ADAMTS3: variants seen among roughly 807,000 people sequenced by gnomAD.
ADAMTS3 encodes the protein ADAM metallopeptidase with thrombospondin type 1 motif 3.
In ADAMTS3, 73 loss-of-function variants were observed where a neutral mutation model predicts 129.0. The ratio of observed to expected loss-of-function variants is 0.57; its 90% confidence interval spans 0.47 to 0.69. The LOEUF (loss-of-function observed/expected upper bound fraction) is 0.69, where lower values mean the gene tolerates loss of function less well. Ranked by LOEUF, ADAMTS3 falls within the 30% of genes least tolerant of loss-of-function variation. The pLI, the probability that ADAMTS3 is intolerant of heterozygous loss-of-function variation, is 0.00. For missense variants in ADAMTS3, 1,457 were observed against 1,514.5 expected, an observed-to-expected ratio of 0.96 and a Z score of 0.63; for synonymous variants, 477 against 510.8, an observed-to-expected ratio of 0.93 and a Z score of 0.89.
At position 72,288,733 on chromosome 4, in the gene ADAMTS3, A is replaced by G. The variant is rs780930730; in HGVS notation, c.3049+18T>C. Reference sequence around the variant, plus strand: ...TTAAAAACATCAGAGCAGTGAAGTCAATTGGTGTGACACCTACCATTACAA... The same window carrying G: ...TTAAAAACATCAGAGCAGTGAAGTCGATTGGTGTGACACCTACCATTACAA... On this transcript the variant is annotated intron_variant, in intron 21 of 21. Transcript: ENST00000286657. The G allele has an allele frequency of 2.1e-5, 32 of 1,501,708 alleles. No homozygotes were observed. Among genetic ancestry groups the G allele is most frequent in the Non-Finnish European group, 3.0e-5 (32 of 1,077,776 alleles). The allele number at this position is 1,501,708 out of a possible 1,614,324, so 93.0% of individuals were successfully genotyped here. A position where few individuals can be genotyped will look rare whatever the true frequency, so the allele number is the denominator to read the frequency against.
intron 3 of ADAMTS3, among the ~76,000 whole-genome samples, chr4:72,506,162 C>T (rs764192864): frequency 2.6e-5 from 4 of 152,180 alleles, no homozygotes; most frequent in East Asian, 1.9e-4. Flanking sequence ...GAGGGCTCCA[C>T]TGCACTACGA....
intron 3 of ADAMTS3, among the ~76,000 whole-genome samples, chr4:72,456,868 G>T (rs1328492511): frequency 1.3e-5 from 2 of 151,604 alleles, no homozygotes; most frequent in Admixed American, 6.6e-5. Flanking sequence ...AGCCAACACA[G>T]GGAGGGACTA....
chr4:72,433,911 G>T (rs62319938), intron 3 of ADAMTS3, among the ~76,000 whole-genome samples: 1 of 151,814 alleles, frequency 6.6e-6, no homozygotes, highest in Admixed American at 6.6e-5. Context: ...CAACAACAAA[G>T]TATATATTTT....
intron 2 of ADAMTS3, among the ~76,000 whole-genome samples, chr4:72,560,108 T>A (rs947373266): frequency 6.7e-6 from 1 of 150,308 alleles, no homozygotes; most frequent in African/African-American, 2.5e-5. Context: ...ATAAGTGGTA[T>A]TGGGAGAACT....
intron 3 of ADAMTS3, among the ~76,000 whole-genome samples, chr4:72,541,759 C>A (rs1256010531): frequency 6.6e-6 from 1 of 151,242 alleles, no homozygotes; most frequent in Non-Finnish European, 1.5e-5. Flanking sequence ...GTAAGATGTG[C>A]CTTTGTTCCT....
chr4:72,560,824 C>T (rs1003168681), intron 2 of ADAMTS3, among the ~76,000 whole-genome samples: 2 of 152,106 alleles, frequency 1.3e-5, no homozygotes, highest in African/African-American at 4.8e-5. Flanking sequence ...ATGTCCTGCA[C>T]GTGTACCCTG....
intron 3 of ADAMTS3, among the ~76,000 whole-genome samples, chr4:72,431,621 C>T (rs113302298): frequency 2.0e-5 from 3 of 152,058 alleles, no homozygotes; most frequent in African/African-American, 7.2e-5. Context: ...TGTGTTTAGT[C>T]TTGGGTCTCA....
intron 4 of ADAMTS3, among the ~76,000 whole-genome samples, chr4:72,397,490 G>A (rs953306705): frequency 6.6e-6 from 1 of 151,956 alleles, no homozygotes; most frequent in Non-Finnish European, 1.5e-5. Flanking sequence ...GCTTGAACCA[G>A]GGAGGTGGAG....
At chr4:72,390,991 C>A (rs1383615108) in intron 4 of ADAMTS3, among the ~76,000 whole-genome samples, 1 of 151,632 alleles carries the variant, frequency 6.6e-6, no homozygotes. Context: ...GCTAACAACC[C>A]TAGATAATTG....
At chr4:72,553,778 T>C (rs962191) in intron 2 of ADAMTS3, among the ~76,000 whole-genome samples, 66,903 of 152,016 alleles carry the variant, frequency 0.44, 14,978 homozygotes, top group South Asian at 0.61. Flanking sequence ...CTGCTCTGGA[T>C]TGGGGAGGCC....
chr4:72,430,816 T>C lies in ADAMTS3; in HGVS notation c.505-15845A>G, dbSNP rs529421638. Among the ~76,000 whole-genome samples the C allele has an allele frequency of 4.1e-5, 5 of 122,838 alleles. No homozygotes were observed. The East Asian group carries it at 1.1e-3, about 28-fold the overall frequency. The allele number at this position is 122,838 out of a possible 152,430, so 80.6% of individuals were successfully genotyped here. On this transcript the variant is annotated intron_variant, in intron 3 of 21. Transcript: ENST00000286657. The stretch of plus-strand genomic sequence containing the variant: ...AAAGTCTGGTGATAGAGACAAAGTA[T>C]CCAAAATCATTAAAAAAAAAAAAAC...
intron 3 of ADAMTS3, among the ~76,000 whole-genome samples, chr4:72,546,505 C>T (rs185908642): frequency 3.3e-5 from 5 of 152,034 alleles, no homozygotes; most frequent in Admixed American, 6.6e-5. Flanking sequence ...ATCTTAAAAT[C>T]AGCCCACAGG....
intron 4 of ADAMTS3, among the ~76,000 whole-genome samples, chr4:72,359,216 T>A (rs1421887924): frequency 6.6e-6 from 1 of 152,006 alleles, no homozygotes; most frequent in Non-Finnish European, 1.5e-5. Flanking sequence ...AGTAACTTCC[T>A]AAATAAGCAA....
At chr4:72,283,771 T>A in intron 21 of ADAMTS3, 67 bp from the exon 22 acceptor site, 1 of 1,353,154 alleles carries the variant, frequency 7.4e-7, no homozygotes, top group Non-Finnish European at 9.8e-7. Flanking sequence ...AGGAAAAAAA[T>A]TAAAATTTTT....
At chr4:72,477,411 G>A (rs1296774800) in intron 3 of ADAMTS3, among the ~76,000 whole-genome samples, 3 of 151,962 alleles carry the variant, frequency 2.0e-5, no homozygotes, top group Non-Finnish European at 4.4e-5. Flanking sequence ...TCAACTACAT[G>A]GAAACTGAAC....
chr4:72,481,840 A>G (rs1421644689), intron 3 of ADAMTS3, among the ~76,000 whole-genome samples: 1 of 152,160 alleles, frequency 6.6e-6, no homozygotes, highest in Non-Finnish European at 1.5e-5. Context: ...AAATTCAATT[A>G]GAAAATGAAA....
chr4:72,369,321 C>T (rs928996575), intron 4 of ADAMTS3, among the ~76,000 whole-genome samples: 4 of 152,164 alleles, frequency 2.6e-5, no homozygotes, highest in African/African-American at 9.7e-5. Context: ...TTTTCCACCA[C>T]TTTCCACTGC....
At chr4:72,331,384 A>G (rs1167101547) in intron 5 of ADAMTS3, among the ~76,000 whole-genome samples, 1 of 152,082 alleles carries the variant, frequency 6.6e-6, no homozygotes, top group Non-Finnish European at 1.5e-5. Flanking sequence ...CCAGACAGAC[A>G]CTATGAACTT....
chr4:72,374,182 T>C (rs74540195), intron 4 of ADAMTS3, among the ~76,000 whole-genome samples: 3,947 of 152,140 alleles, frequency 0.026, 181 homozygotes, highest in African/African-American at 0.091. Flanking sequence ...GTACACACTT[T>C]GTAACTCATT....
Sources: allele counts gnomAD v4.1 joint callset (sites outside exome capture counted in the v4.1 genomes callset), GRCh38; gene constraint gnomAD v4.1.1; transcripts MANE v1.5; gene names NCBI Gene and HGNC (gene_info 2026-07-23, HGNC 2026-07-21).